NLRP7: variants seen among roughly 807,000 people sequenced by gnomAD.
The protein encoded by NLRP7 is NLR family pyrin domain containing 7.
NLRP7 carries 72 observed loss-of-function variants against 85.5 expected under a neutral mutation model. The observed-to-expected ratio is 0.84, with a 90% confidence interval of 0.70 to 1.02. NLRP7 has a LOEUF of 1.02. Among genes scored for constraint, NLRP7 ranks in the 50% least tolerant of loss-of-function variants. NLRP7 has a pLI of 0.00. For missense variants in NLRP7, 1,243 were observed against 1,219.5 expected, an observed-to-expected ratio of 1.02 and a Z score of -0.29; for synonymous variants, 550 against 505.2, an observed-to-expected ratio of 1.09 and a Z score of -1.19.
chr19:54,951,158 TTG>T (rs1483937576), upstream of NLRP7, among the ~76,000 whole-genome samples: 1 of 152,160 alleles, frequency 6.6e-6, no homozygotes, highest in East Asian at 1.9e-4. Flanking sequence ...GCAGAAGAAT[TTG>T]TCTTAGTACA....
Position 54,934,581 on chromosome 19 carries a change from G to A in NLRP7, c.2379C>T (p.His793=). ...GGAGCACATTGGCTGAGAGACGCAG[G>A]TGCTTCAGGGACTGGTTGGCTTTGA... Residue 793 remains histidine (H), a synonymous_variant, in exon 7 of 10, where the codon CAC becomes CAT. Transcript: ENST00000340844. The surrounding 1 kb of genome is among the most constrained non-coding windows in gnomAD (Gnocchi z 6.7). 6.2e-7 allele frequency: 1 copy of A among 1,614,172 alleles called. No homozygotes were observed. The highest frequency in any genetic ancestry group is 8.5e-7 in the Non-Finnish European group (1 of 1,180,012).
upstream of NLRP7, among the ~76,000 whole-genome samples, chr19:54,950,099 CAA>C (rs1165224711): frequency 1.6e-5 from 2 of 128,834 alleles, no homozygotes; most frequent in African/African-American, 2.9e-5. Context: ...TAGACTGTCT[CAA>C]AAAAAAAAAA....
upstream of NLRP7, among the ~76,000 whole-genome samples, chr19:54,948,546 T>C (rs543798238): frequency 2.6e-5 from 4 of 151,876 alleles, no homozygotes; most frequent in South Asian, 2.1e-4. Flanking sequence ...TGAGACCCAG[T>C]CTCAAAAAAA....
intron 1 of NLRP7, among the ~76,000 whole-genome samples, chr19:54,964,326 C>T (rs2070215774): frequency 6.9e-6 from 1 of 144,914 alleles, no homozygotes; most frequent in African/African-American, 2.6e-5. Flanking sequence ...ACGCCATTCT[C>T]CTGCCTCAGC....
chr19:54,951,774 G>A (rs746121496), upstream of NLRP7, among the ~76,000 whole-genome samples: 8 of 149,508 alleles, frequency 5.4e-5, no homozygotes, highest in South Asian at 2.1e-4. Flanking sequence ...TTTTTGAGAC[G>A]GAGTCTCGCT....
chr19:54,937,784 C>A (rs1403759669), intron 5 of NLRP7, among the ~76,000 whole-genome samples: 1 of 151,166 alleles, frequency 6.6e-6, no homozygotes, highest in African/African-American at 2.4e-5. Flanking sequence ...GTAATCCCAG[C>A]TACTCGGGAG....
At chr19:54,941,919 C>T (rs188059172) in intron 1 of NLRP7, among the ~76,000 whole-genome samples, 169 bp from the exon 2 acceptor site, 139 of 151,492 alleles carry the variant, frequency 9.2e-4, no homozygotes, top group African/African-American at 3.0e-3. Context: ...CTCACGCCTG[C>T]GGCCAGGAGT....
intron 6 of NLRP7, among the ~76,000 whole-genome samples, chr19:54,935,676 G>A (rs1028069863): frequency 3.2e-5 from 4 of 123,562 alleles, no homozygotes; most frequent in African/African-American, 1.2e-4. Context: ...TGGGTGACAA[G>A]AATAAAACTG....
chr19:54,955,384 T>G (rs2069819492), intron 1 of NLRP7, among the ~76,000 whole-genome samples: 1 of 152,142 alleles, frequency 6.6e-6, no homozygotes, highest in Admixed American at 6.6e-5. Flanking sequence ...AAGAGCAGCC[T>G]TGGGCCAGGC....
At chr19:54,933,406 A>C (rs894544196) in intron 8 of NLRP7, among the ~76,000 whole-genome samples, 163 bp downstream of exon 8, 3 of 152,108 alleles carry the variant, frequency 2.0e-5, no homozygotes, top group African/African-American at 7.2e-5. Context: ...CGGCCTCCCA[A>C]AGTGCTGGGA....
intron 9 of NLRP7, among the ~76,000 whole-genome samples, chr19:54,928,637 G>A (rs1569539126): frequency 6.6e-6 from 1 of 152,126 alleles, no homozygotes; most frequent in Non-Finnish European, 1.5e-5. Context: ...TTTGGAAAGT[G>A]ATATGAGGAA....
exon 1 of NLRP7, chr19:54,966,170 AT>A (rs1279361618): frequency 6.6e-6 from 1 of 151,512 alleles, no homozygotes; most frequent in Non-Finnish European, 1.5e-5. Flanking sequence ...AGTGTAACCA[AT>A]CAAGCAGAAT....
At position 54,934,268 on chromosome 19, in the gene NLRP7, GGT is replaced by G. The variant is rs2068799865; in HGVS notation, c.2471+219_2471+220del. 6.6e-6 allele frequency among the ~76,000 whole-genome samples: 1 copy of G among 152,130 alleles called. No homozygotes were observed. Among genetic ancestry groups the G allele is most frequent in the Non-Finnish European group, 1.5e-5 (1 of 68,014 alleles). On this transcript the variant is annotated intron_variant, in intron 7 of 9. Coordinates refer to ENST00000340844, the Ensembl canonical transcript of NLRP7. The surrounding 1 kb of genome is among the most constrained non-coding windows in gnomAD (Gnocchi z 6.7). ...TTTTTGGTATTTTTAATAGAAACAG[GGT>G]TTCACCATGTTGGCCAGGTTGGTCT...
At chr19:54,958,969 C>T (rs1490322108) in intron 1 of NLRP7, among the ~76,000 whole-genome samples, 1 of 152,022 alleles carries the variant, frequency 6.6e-6, no homozygotes, top group African/African-American at 2.4e-5. Flanking sequence ...CAGTGTTCTT[C>T]TATACAATGC....
upstream of NLRP7, among the ~76,000 whole-genome samples, chr19:54,951,678 T>C (rs1363172128): frequency 6.6e-6 from 1 of 152,102 alleles, no homozygotes; most frequent in Non-Finnish European, 1.5e-5. Context: ...GTGTATCACG[T>C]GGCTCTAGAC....
intron 9 of NLRP7, among the ~76,000 whole-genome samples, chr19:54,924,197 G>C (rs1427167279): frequency 6.6e-6 from 1 of 152,006 alleles, no homozygotes; most frequent in Non-Finnish European, 1.5e-5. Context: ...CGAACTTCTG[G>C]CCTCAAGTGA....
intron 1 of NLRP7, among the ~76,000 whole-genome samples, chr19:54,952,672 C>A (rs2069709070): frequency 6.6e-6 from 1 of 152,056 alleles, no homozygotes; most frequent in South Asian, 2.1e-4. Flanking sequence ...ATTCCTCAGC[C>A]CTGTGATTAA....
At chr19:54,939,949 C>A (rs963343211) in exon 4 of NLRP7, 3 of 1,614,194 alleles carry the variant, frequency 1.9e-6, no homozygotes, top group African/African-American at 1.3e-5. Context: ...TGGGTAACAT[C>A]TTCCTCTTCA....
At chr19:54,926,672 T>C (rs1044132987) in intron 9 of NLRP7, among the ~76,000 whole-genome samples, 2 of 152,100 alleles carry the variant, frequency 1.3e-5, no homozygotes, top group South Asian at 2.1e-4. Flanking sequence ...TCCCAGCACT[T>C]TGGGAGGCCA....
Sources: gnomAD v4.1 joint callset for allele counts (sites outside exome capture counted in the v4.1 genomes callset) on GRCh38, gnomAD v4.1.1 for gene constraint, Gnocchi (gnomAD v3.1) non-coding constraint, MANE v1.5 for transcripts, NCBI Gene and HGNC (gene_info 2026-07-23, HGNC 2026-07-21) for gene names.